Variants in LARP4B observed in about 807,000 individuals in gnomAD.
LARP4B encodes the protein La ribonucleoprotein 4B.
Under a neutral mutation model 89.8 loss-of-function variants are expected in LARP4B, and 12 were observed. The ratio of observed to expected loss-of-function variants is 0.13; its 90% CI spans 0.09 to 0.22. The LOEUF (loss-of-function observed/expected upper bound fraction) is 0.22. Ranked by LOEUF, LARP4B falls within the 10% of genes least tolerant of loss-of-function variation. LARP4B has a pLI of 1.00. For synonymous variants in LARP4B, 367 were observed against 363.3 expected (o/e 1.01, Z -0.12); for missense variants, 757 against 947.7 (o/e 0.80, Z 2.64).
At chr10:964,301 G>A in the LARP4B span, among the ~76,000 whole-genome samples, 3 of 152,168 alleles carry the variant, frequency 2.0e-5, no homozygotes, top group Non-Finnish European at 2.9e-5. Context: ...TCCCGACCTC[G>A]TGATCTGCCC....
Position 825,081 on chromosome 10 carries a change from C to T in LARP4B, c.1468G>A (p.Gly490Ser). ...VEPGSLESSP[G>S]LGRGRKNSFG... ...ACAACTCACCTTCCCCTCCCTAAAC[C>T]AGGAGAGGATTCGAGACTGCCTGGC... Residue 490 changes from glycine to serine, a missense_variant, in exon 13 of 18, where the codon GGT (glycine) becomes AGT (serine). Transcript: ENST00000316157. 6.2e-7 allele frequency: 1 copy of T among 1,614,014 alleles called. No individual in the cohort carries two copies.
chr10:962,920 C>T, the LARP4B span, among the ~76,000 whole-genome samples: 6 of 152,246 alleles, frequency 3.9e-5, no homozygotes, highest in South Asian at 1.2e-3. Flanking sequence ...ATGAGACCAC[C>T]TGAACTCCGG....
chr10:807,312 G>GA (rs1295990048), downstream of LARP4B: 1 of 152,272 alleles, frequency 6.6e-6, no homozygotes, highest in Non-Finnish European at 1.5e-5. Flanking sequence ...ACGTTAGAGA[G>GA]AGTCTTTCTA....
intron 3 of LARP4B, among the ~76,000 whole-genome samples, chr10:877,389 C>CAAATG (rs1835501188): frequency 6.6e-6 from 1 of 151,918 alleles, no homozygotes; most frequent in African/African-American, 2.4e-5. Flanking sequence ...TCTAAAAAAA[C>CAAATG]AAACAATTCT....
chr10:919,064 G>C (rs1055217968), intron 1 of LARP4B, among the ~76,000 whole-genome samples: 24 of 152,120 alleles, frequency 1.6e-4, no homozygotes, highest in Non-Finnish European at 4.4e-5. Context: ...CTGGGCAACT[G>C]AGTGAGACTC....
chr10:931,097 T>TCC (rs1413218811), intron 1 of LARP4B, among the ~76,000 whole-genome samples: 1 of 150,042 alleles, frequency 6.7e-6, no homozygotes, highest in Non-Finnish European at 1.5e-5. Flanking sequence ...CAACGGGTCC[T>TCC]CCTAAGCCCC....
the LARP4B span, among the ~76,000 whole-genome samples, chr10:941,039 G>A: frequency 1.3e-5 from 2 of 152,202 alleles, no homozygotes; most frequent in Non-Finnish European, 2.9e-5. Flanking sequence ...GGACGAGGAG[G>A]TCAGGTTGTT....
At chr10:819,494 G>A (rs957317465) in intron 14 of LARP4B, 1 of 152,246 alleles carries the variant, frequency 6.6e-6, no homozygotes, top group Non-Finnish European at 1.5e-5. Context: ...GAGGTCCTGA[G>A]AGCACGTACA....
chr10:813,206 C>T lies in LARP4B; in HGVS notation c.1937G>A (p.Arg646Gln), dbSNP rs763520003. ...ACAAATCTCTGCGTAGCTGGGCTTTCGCAATTCCTGGAAACAGACAATCCT... is the reference window on the plus strand; with the variant it reads ...ACAAATCTCTGCGTAGCTGGGCTTTTGCAATTCCTGGAAACAGACAATCCT... ...VQVNGAATEL[R>Q]KPSYAEICQR... The change falls in exon 18 of 18, where the codon CGA becomes CAA. Residue 646 changes from arginine (R) to glutamine (Q), a missense_variant. By Grantham distance (43) the Arg-to-Gln change is conservative. Transcript: ENST00000316157. 5 of 1,607,228 alleles carry T rather than the reference C, an allele frequency of 3.1e-6. No homozygotes were observed. The highest frequency in any genetic ancestry group is 3.4e-5 in the Admixed American group (2 of 58,614).
In LARP4B at chr10:884,436, A is replaced by C; in HGVS notation, c.141+11T>G. The C allele has an allele frequency of 6.4e-7, 1 of 1,570,976 alleles. No individual in the cohort carries two copies. Among genetic ancestry groups the C allele is most frequent in the Non-Finnish European group, 8.8e-7 (1 of 1,141,018 alleles). ...TTAAAAAATCTGTGATTAATCTCAA[A>C]ATTGAATTACCTGACTCAAAGGTGG... On this transcript the variant is annotated intron_variant, in intron 3 of 17. Coordinates refer to ENST00000316157, the MANE Select transcript of LARP4B (RefSeq NM_015155.3).
the LARP4B span, among the ~76,000 whole-genome samples, chr10:943,221 A>G: frequency 1.3e-5 from 2 of 152,130 alleles, no homozygotes; most frequent in Non-Finnish European, 2.9e-5. Context: ...TGCTGGGATT[A>G]CAGGCATGAG....
the LARP4B span, among the ~76,000 whole-genome samples, chr10:954,406 A>G: frequency 2.6e-5 from 4 of 152,174 alleles, no homozygotes; most frequent in African/African-American, 9.7e-5. The surrounding 1 kb of genome is among the most constrained non-coding windows in gnomAD (Gnocchi z 5.0). Flanking sequence ...GAAGTGTGTG[A>G]TAAGGACATC....
At chr10:870,411 C>T (rs917566320) in intron 3 of LARP4B, among the ~76,000 whole-genome samples, 1 of 152,182 alleles carries the variant, frequency 6.6e-6, no homozygotes, top group Non-Finnish European at 1.5e-5. Flanking sequence ...TTGCTGTCCA[C>T]GGGGACAGCG....
At position 814,418 on chromosome 10, in the gene LARP4B, C is replaced by T. The variant is rs927339253; in HGVS notation, c.1929+324G>A. The T allele has an allele frequency of 5.7e-5, 23 of 401,196 alleles. No individual in the cohort carries two copies. The highest frequency in any genetic ancestry group is 1.1e-4 in the Non-Finnish European group (22 of 202,978). The allele number at this position is 401,196 out of a possible 1,614,324, so 24.9% of individuals were successfully genotyped here. A position where few individuals can be genotyped will look rare whatever the true frequency, so the allele number is the denominator to read the frequency against. Reference sequence around the variant, plus strand: ...ATGCGCGCGCACGCACGCAAACATACACACACGCGCGAAATGCTGAAATGA... The same window carrying T: ...ATGCGCGCGCACGCACGCAAACATATACACACGCGCGAAATGCTGAAATGA... On this transcript the variant is annotated intron_variant, in intron 17 of 17. Coordinates refer to ENST00000316157, the MANE Select transcript of LARP4B (RefSeq NM_015155.3). This position sits in a 1 kb window ranked among gnomAD's most constrained non-coding sequence, Gnocchi z 4.4.
chr10:915,202 T>C (rs972118762), intron 1 of LARP4B, among the ~76,000 whole-genome samples: 2 of 151,978 alleles, frequency 1.3e-5, no homozygotes, highest in South Asian at 2.1e-4. Flanking sequence ...GGAGGATCAC[T>C]TGAGCCCAGG....
intron 11 of LARP4B, among the ~76,000 whole-genome samples, chr10:827,275 C>CAAAGAA (rs370175927): frequency 5.3e-5 from 8 of 151,090 alleles, no homozygotes; most frequent in African/African-American, 1.7e-4. Flanking sequence ...GACTCTGTCT[C>CAAAGAA]AAAGAAAAAG....
the LARP4B span, among the ~76,000 whole-genome samples, chr10:938,468 TAG>T: frequency 2.0e-5 from 3 of 151,718 alleles, no homozygotes; most frequent in Non-Finnish European, 2.9e-5. Flanking sequence ...TTAGCCAGGA[TAG>T]GCTTGATCTC....
intron 17 of LARP4B, among the ~76,000 whole-genome samples, chr10:813,951 A>C (rs886304561): frequency 2.0e-5 from 3 of 151,848 alleles, no homozygotes; most frequent in Non-Finnish European, 4.4e-5. Flanking sequence ...ACAGGTGCCC[A>C]CCACCAAACC....
chr10:982,757 ATAGCT>A, the LARP4B span, among the ~76,000 whole-genome samples: 48 of 152,386 alleles, frequency 3.1e-4, no homozygotes, highest in Non-Finnish European at 5.9e-4. Flanking sequence ...GAAAATGAGA[ATAGCT>A]TAAAATAAAA....
Sources: gnomAD v4.1 joint callset for allele counts (sites outside exome capture counted in the v4.1 genomes callset) on GRCh38, gnomAD v4.1.1 for gene constraint, Gnocchi (gnomAD v3.1) non-coding constraint, MANE v1.5 for transcripts, NCBI Gene and HGNC (gene_info 2026-07-23, HGNC 2026-07-21) for gene names.